Variants in ZNF558 observed in about 807,000 individuals in gnomAD.
ZNF558 encodes zinc finger protein 558.
A neutral mutation model predicts 37.6 loss-of-function variants in ZNF558; 23 were observed. The ratio of observed to expected loss-of-function variants is 0.61; its 90% CI spans 0.44 to 0.87. The LOEUF is 0.87. Among genes scored for constraint, ZNF558 ranks in the 40% least tolerant of loss-of-function variants. ZNF558 has a pLI of 0.00. For missense variants in ZNF558, 429 were observed against 483.7 expected (o/e 0.89, Z 1.06); for synonymous variants, 189 against 174.4 (o/e 1.08, Z -0.66).
chr19:8,821,381 A>G, intron 6 of ZNF558, 75 bp from the exon 7 acceptor site: 1 of 1,613,680 alleles, frequency 6.2e-7, no homozygotes, highest in Non-Finnish European at 8.5e-7. Context: ...GGCCAGGAGA[A>G]CAGAGCCAGG....
In ZNF558 at chr19:8,822,808, C is replaced by G; in HGVS notation, c.-65-84G>C. The G allele has an allele frequency of 8.2e-7, 1 of 1,219,842 alleles. No individual in the cohort carries two copies. Among genetic ancestry groups the G allele is most frequent in the African/African-American group, 1.5e-5 (1 of 67,156 alleles). The allele number at this position is 1,219,842 out of a possible 1,614,324, so 75.6% of individuals were successfully genotyped here. A position where few individuals can be genotyped will look rare whatever the true frequency, so the allele number is the denominator to read the frequency against. ...GATGGGCCCTCCTCAACCCATCCTT[C>G]CCATCCTTCTTCAAATGCAAGTTCC... On this transcript the variant is annotated intron_variant, in intron 4 of 9. Coordinates refer to ENST00000601372, the MANE Select transcript of ZNF558 (RefSeq NM_144693.3). The surrounding 1 kb of genome is among the most constrained non-coding windows in gnomAD (Gnocchi z 4.4).
At chr19:8,828,288 T>C (rs746314332) in intron 2 of ZNF558, among the ~76,000 whole-genome samples, 1 of 152,186 alleles carries the variant, frequency 6.6e-6, no homozygotes, top group Non-Finnish European at 1.5e-5. Flanking sequence ...CATCTTAACA[T>C]GCGTCCCTGA....
At chr19:8,832,050 C>G (rs945200853) in intron 1 of ZNF558, 159 bp downstream of exon 1, 1 of 152,360 alleles carries the variant, frequency 6.6e-6, no homozygotes, top group Non-Finnish European at 1.5e-5. Flanking sequence ...GGGCCCCGAC[C>G]CAGGAGCAAG....
chr19:8,836,630 T>C (rs556119551), upstream of ZNF558, among the ~76,000 whole-genome samples: 27 of 152,264 alleles, frequency 1.8e-4, no homozygotes, highest in African/African-American at 6.5e-4. Flanking sequence ...TAGCTGGGAC[T>C]GCAGGCGTGC....
chr19:8,811,158 A>C lies in ZNF558; in HGVS notation c.*123T>G. On this transcript the variant is annotated 3_prime_UTR_variant, in exon 10 of 10. Transcript: ENST00000601372. ...TAAACATTTCGTGTTTGAAGCCACA[A>C]AATTTGCGGGGATCATTTGTTATGC... The C allele has an allele frequency of 9.2e-7, 1 of 1,091,346 alleles. No homozygotes were observed. The highest frequency in any genetic ancestry group is 1.3e-6 in the Non-Finnish European group (1 of 780,462). The allele number at this position is 1,091,346 out of a possible 1,614,324, so 67.6% of individuals were successfully genotyped here. A position where few individuals can be genotyped will look rare whatever the true frequency, so the allele number is the denominator to read the frequency against.
At chr19:8,834,693 C>T (rs951046861), upstream of ZNF558, among the ~76,000 whole-genome samples, 4 of 148,546 alleles carry the variant, frequency 2.7e-5, no homozygotes, top group East Asian at 2.0e-4. Context: ...TGAAATTGGA[C>T]CTCTACTTCA....
chr19:8,808,171 G>C lies in ZNF558; in HGVS notation c.*3110C>G, dbSNP rs1555766524. On this transcript the variant is annotated 3_prime_UTR_variant, in exon 10 of 10. Transcript: ENST00000601372. ...AAATATAAAAAAATTACCTGGGCGTGGTGGCAGGTGCCTGTAATCCCAGCT... is the reference window on the plus strand; with the variant it reads ...AAATATAAAAAAATTACCTGGGCGTCGTGGCAGGTGCCTGTAATCCCAGCT... The C allele has an allele frequency of 6.6e-6, 1 of 152,056 alleles. No individual in the cohort carries two copies. Among genetic ancestry groups the C allele is most frequent in the Non-Finnish European group, 1.5e-5 (1 of 68,032 alleles). The allele number at this position is 152,056 out of a possible 1,614,324, so 9.4% of individuals were successfully genotyped here. A position where few individuals can be genotyped will look rare whatever the true frequency, so the allele number is the denominator to read the frequency against.
chr19:8,834,510 A>G (rs1359191955), upstream of ZNF558, among the ~76,000 whole-genome samples: 1 of 151,546 alleles, frequency 6.6e-6, no homozygotes. Flanking sequence ...CGGGAGACTG[A>G]GGCAGAAGAA....
chr19:8,821,375 A>G, intron 6 of ZNF558, 69 bp from the exon 7 acceptor site: 1 of 1,613,826 alleles, frequency 6.2e-7, no homozygotes, highest in Non-Finnish European at 8.5e-7. Flanking sequence ...AAGAGGGGCC[A>G]GGAGAACAGA....
In ZNF558 at chr19:8,821,927, C is replaced by T. The variant is rs979786737; in HGVS notation, c.120+76G>A. ...AGGACCTGGTTTGGCCATGAGGCTCCAGGCTGCTGGAAGGTATCAAGTCCA... is the reference window on the plus strand; with the variant it reads ...AGGACCTGGTTTGGCCATGAGGCTCTAGGCTGCTGGAAGGTATCAAGTCCA... On this transcript the variant is annotated intron_variant, in intron 6 of 9. Coordinates refer to ENST00000601372, the MANE Select transcript of ZNF558 (RefSeq NM_144693.3). 2.0e-4 allele frequency: 318 copies of T among 1,587,132 alleles called. 1 individual carries two copies. Among genetic ancestry groups the T allele is most frequent in the Admixed American group, 4.8e-4 (28 of 58,368 alleles).
chr19:8,809,794 G>T lies in ZNF558; in HGVS notation c.*1487C>A, dbSNP rs1215340356. The T allele has an allele frequency of 2.0e-5, 3 of 152,086 alleles. No individual in the cohort carries two copies. The highest frequency in any genetic ancestry group is 7.2e-5 in the African/African-American group (3 of 41,400). 9.4% of individuals were successfully genotyped at this position (152,086 alleles called of 1,614,324 possible). On this transcript the variant is annotated 3_prime_UTR_variant, in exon 10 of 10. Coordinates refer to ENST00000601372, the MANE Select transcript of ZNF558 (RefSeq NM_144693.3). Reference sequence around the variant, plus strand: ...AGAAAAAAAGACTAAAAAAATTAATGAGCCAGCAGTCCAATCTACAGATGA... The same window carrying T: ...AGAAAAAAAGACTAAAAAAATTAATTAGCCAGCAGTCCAATCTACAGATGA...
chr19:8,809,799 A>G lies in ZNF558; in HGVS notation c.*1482T>C, dbSNP rs1035492786. Reference sequence around the variant, plus strand: ...AAAAGACTAAAAAAATTAATGAGCCAGCAGTCCAATCTACAGATGAGACAC... The same window carrying G: ...AAAAGACTAAAAAAATTAATGAGCCGGCAGTCCAATCTACAGATGAGACAC... On this transcript the variant is annotated 3_prime_UTR_variant, in exon 10 of 10. Coordinates refer to ENST00000601372, the MANE Select transcript of ZNF558 (RefSeq NM_144693.3). The G allele has an allele frequency of 3.9e-5, 6 of 152,358 alleles. No individual in the cohort carries two copies. The highest frequency in any genetic ancestry group is 7.2e-5 in the African/African-American group (3 of 41,584). The allele number at this position is 152,358 out of a possible 1,614,324, so 9.4% of individuals were successfully genotyped here. A position where few individuals can be genotyped will look rare whatever the true frequency, so the allele number is the denominator to read the frequency against.
chr19:8,818,007 C>A (rs574636719), intron 7 of ZNF558, among the ~76,000 whole-genome samples: 80 of 152,222 alleles, frequency 5.3e-4, no homozygotes, highest in African/African-American at 1.9e-3. Flanking sequence ...AAAGAACACA[C>A]CACCCAACAA....
At chr19:8,816,754 A>G (rs1443287728) in intron 7 of ZNF558, among the ~76,000 whole-genome samples, 1 of 152,258 alleles carries the variant, frequency 6.6e-6, no homozygotes, top group African/African-American at 2.4e-5. Context: ...AGAGGTGAAT[A>G]TAAAAGTCAC....
At chr19:8,832,047 G>A (rs1354887204) in intron 1 of ZNF558, 162 bp downstream of exon 1, 3 of 152,238 alleles carry the variant, frequency 2.0e-5, no homozygotes, top group South Asian at 2.1e-4. Context: ...GCGGGGCCCC[G>A]ACCCAGGAGC....
At chr19:8,833,245 C>T (rs551954300), upstream of ZNF558, 2 of 152,174 alleles carry the variant, frequency 1.3e-5, no homozygotes. Flanking sequence ...CCAATAGGAT[C>T]AGATTATGTA....
At chr19:8,813,046 T>C in intron 8 of ZNF558, 81 bp downstream of exon 8, 1 of 1,088,332 alleles carries the variant, frequency 9.2e-7, no homozygotes, top group Admixed American at 2.1e-5. Context: ...CTGATTGACA[T>C]GAACTAATGT....
At chr19:8,829,118 C>T (rs1007282336) in intron 2 of ZNF558, among the ~76,000 whole-genome samples, 3 of 151,928 alleles carry the variant, frequency 2.0e-5, no homozygotes, top group East Asian at 3.9e-4. Flanking sequence ...AAAAATTAAC[C>T]GGGCATGGTG....
At chr19:8,826,662 T>C (rs1279132725) in intron 2 of ZNF558, among the ~76,000 whole-genome samples, 3 of 152,146 alleles carry the variant, frequency 2.0e-5, no homozygotes. Flanking sequence ...TGTGCAGCCC[T>C]GTTTATAAGC....
Sources: allele counts gnomAD v4.1 joint callset (sites outside exome capture counted in the v4.1 genomes callset), GRCh38; gene constraint gnomAD v4.1.1; non-coding constraint Gnocchi (gnomAD v3.1); transcripts MANE v1.5; gene names NCBI Gene and HGNC (gene_info 2026-07-23, HGNC 2026-07-21).